The following ZNF536 variants were observed in gnomAD, a reference collection of about 807,000 sequenced individuals.
The protein encoded by ZNF536 is zinc finger protein 536.
ZNF536 carries 13 observed loss-of-function variants against 84.5 expected under a neutral mutation model. The observed-to-expected ratio is 0.15, with a 90% confidence interval of 0.10 to 0.24. The LOEUF is 0.24. Ranked by LOEUF, ZNF536 falls within the 10% of genes least tolerant of loss-of-function variation. The pLI is 1.00. For missense variants in ZNF536, 1,536 were observed against 1,747.5 expected (o/e 0.88, Z 2.16); for synonymous variants, 811 against 742.5 (o/e 1.09, Z -1.50).
intron 2 of ZNF536, among the ~76,000 whole-genome samples, chr19:30,350,192 C>A (rs2047889372): frequency 6.6e-6 from 1 of 152,150 alleles, no homozygotes; most frequent in African/African-American, 2.4e-5. Flanking sequence ...GTCTAATGAA[C>A]ATATTTGCAT....
intron 2 of ZNF536, among the ~76,000 whole-genome samples, chr19:30,328,694 T>C (rs2047114836): frequency 6.6e-6 from 1 of 152,242 alleles, no homozygotes; most frequent in Non-Finnish European, 1.5e-5. Flanking sequence ...AGAGATTTGC[T>C]GGACCCAATA....
Position 30,331,718 on chromosome 19 carries a change from C to T in ZNF536, c.-119-20650C>T, listed in dbSNP as rs538768464. 1.9e-4 allele frequency among the ~76,000 whole-genome samples: 29 copies of T among 152,314 alleles called. No homozygotes were observed. The South Asian group carries it at 5.6e-3, about 29-fold the overall frequency. ...CACCTGAGCTCCTCTGAAATCTGGT[C>T]TTCACCCATCCTATGATGAGTCCAT... is the stretch of plus-strand genomic sequence containing the variant. On this transcript the variant is annotated intron_variant, in intron 2 of 5. Transcript: ENST00000585628.
At chr19:30,237,524 G>A (rs1452510169) in intron 1 of ZNF536, among the ~76,000 whole-genome samples, 3 of 152,172 alleles carry the variant, frequency 2.0e-5, no homozygotes, top group South Asian at 2.1e-4. Context: ...AAAGGTAGGC[G>A]AGTGGAATTC....
chr19:30,454,157 G>T (rs80282785), intron 2 of ZNF536, among the ~76,000 whole-genome samples: 1 of 152,210 alleles, frequency 6.6e-6, no homozygotes, highest in African/African-American at 2.4e-5. Flanking sequence ...TGTGCCATGG[G>T]GCCCAGGGCA....
intron 3 of ZNF536, among the ~76,000 whole-genome samples, chr19:30,361,415 C>T (rs2048271650): frequency 6.7e-6 from 1 of 148,344 alleles, no homozygotes; most frequent in Admixed American, 6.7e-5. Context: ...AGCTTTATGT[C>T]ATATTTTTTT....
At chr19:30,561,542 G>A (rs2046166171), downstream of ZNF536, among the ~76,000 whole-genome samples, 1 of 152,226 alleles carries the variant, frequency 6.6e-6, no homozygotes, top group Non-Finnish European at 1.5e-5. Context: ...CAGGAAGCAT[G>A]AGTGAGGGAG....
chr19:30,225,686 G>GT (rs199672807), upstream of ZNF536, among the ~76,000 whole-genome samples: 3,640 of 133,188 alleles, frequency 0.027, 163 homozygotes, highest in Admixed American at 0.13. Context: ...GAAAACAAAG[G>GT]TGGGGGGGGG....
At chr19:30,579,233 G>A (rs2046840799) in intron 1 of ZNF536, among the ~76,000 whole-genome samples, 1 of 152,112 alleles carries the variant, frequency 6.6e-6, no homozygotes, top group African/African-American at 2.4e-5. Flanking sequence ...ATGACTAATG[G>A]GTTTTCCATG....
intron 2 of ZNF536, among the ~76,000 whole-genome samples, chr19:30,336,185 T>G (rs10432273): frequency 2.6e-5 from 4 of 152,056 alleles, no homozygotes; most frequent in Admixed American, 2.0e-4. Flanking sequence ...ACCTGCTTGA[T>G]CACGGGGGAC....
chr19:30,636,108 G>A (rs1275839260), intron 1 of ZNF536, among the ~76,000 whole-genome samples: 2 of 152,190 alleles, frequency 1.3e-5, no homozygotes, highest in Non-Finnish European at 2.9e-5. Context: ...ATCTTGCTTG[G>A]TGGGGCCCGG....
intron 1 of ZNF536, among the ~76,000 whole-genome samples, chr19:30,415,595 G>GTCA (rs35189422): frequency 0.4 from 59,713 of 150,064 alleles, 12,744 homozygotes; most frequent in East Asian, 0.7. Flanking sequence ...CATCGTCATC[G>GTCA]TCATCATCAT....
At chr19:30,515,440 A>G (rs895503370) in intron 2 of ZNF536, among the ~76,000 whole-genome samples, 1 of 152,204 alleles carries the variant, frequency 6.6e-6, no homozygotes, top group Admixed American at 6.5e-5. Flanking sequence ...TACTTTTAGT[A>G]TATTTATTTT....
At chr19:30,238,454 C>G (rs922783142) in intron 1 of ZNF536, among the ~76,000 whole-genome samples, 1 of 151,030 alleles carries the variant, frequency 6.6e-6, no homozygotes. Flanking sequence ...CACACACACA[C>G]ACACAATCAC....
chr19:30,422,384 C>T (rs1844727366), intron 1 of ZNF536, among the ~76,000 whole-genome samples: 1 of 152,132 alleles, frequency 6.6e-6, no homozygotes, highest in Non-Finnish European at 1.5e-5. Flanking sequence ...CTAAAGATAT[C>T]TCCCTAAGTA....
intron 2 of ZNF536, among the ~76,000 whole-genome samples, chr19:30,342,736 T>A (rs984996871): frequency 6.6e-6 from 1 of 152,194 alleles, no homozygotes; most frequent in Non-Finnish European, 1.5e-5. Context: ...CCAACAACAA[T>A]TATTGAGGAA....
chr19:30,658,754 C>T (rs1488309921), intron 1 of ZNF536, among the ~76,000 whole-genome samples: 1 of 152,136 alleles, frequency 6.6e-6, no homozygotes, highest in African/African-American at 2.4e-5. Flanking sequence ...GAATTGAAAA[C>T]TCTAACCAGT....
At chr19:30,347,268 C>T (rs1403592838) in intron 2 of ZNF536, among the ~76,000 whole-genome samples, 3 of 152,136 alleles carry the variant, frequency 2.0e-5, no homozygotes, top group Non-Finnish European at 4.4e-5. Flanking sequence ...TGTCTTTATT[C>T]AAGCATATCG....
chr19:30,702,965 T>C (rs534245831), intron 1 of ZNF536, among the ~76,000 whole-genome samples: 7 of 152,098 alleles, frequency 4.6e-5, no homozygotes, highest in Non-Finnish European at 7.4e-5. Context: ...AAGACAGCCG[T>C]GATTGTTTTA....
At chr19:30,422,085 A>C (rs2050984647) in intron 1 of ZNF536, among the ~76,000 whole-genome samples, 1 of 152,222 alleles carries the variant, frequency 6.6e-6, no homozygotes, top group African/African-American at 2.4e-5. Flanking sequence ...ACTCTATAGC[A>C]AAAAGCATCA....
Sources: gnomAD v4.1 joint callset for allele counts (sites outside exome capture counted in the v4.1 genomes callset) on GRCh38, gnomAD v4.1.1 for gene constraint, MANE v1.5 for transcripts, NCBI Gene and HGNC (gene_info 2026-07-23, HGNC 2026-07-21) for gene names.